Variants in IQSEC1 observed in about 807,000 individuals in gnomAD.
IQSEC1 encodes IQ motif and Sec7 domain ArfGEF 1.
IQSEC1 carries 31 observed loss-of-function variants against 91.0 expected under a neutral mutation model. The ratio of observed to expected loss-of-function variants is 0.34; its 90% CI spans 0.26 to 0.46. The LOEUF is 0.46. Ranked by LOEUF, IQSEC1 falls within the 20% of genes least tolerant of loss-of-function variation. The pLI, the probability that IQSEC1 is intolerant of heterozygous loss-of-function variation, is 1.00. For synonymous variants in IQSEC1, 699 were observed against 662.6 expected (o/e 1.05, Z -0.84); for missense variants, 1,388 against 1,575.6 (o/e 0.88, Z 2.02).
At chr3:12,930,777 A>G (rs1697601215) in intron 3 of IQSEC1, among the ~76,000 whole-genome samples, 1 of 152,194 alleles carries the variant, frequency 6.6e-6, no homozygotes, top group Non-Finnish European at 1.5e-5. Context: ...TGATTAACGC[A>G]GAGACCAACA....
At chr3:13,173,078 C>T (rs949809161) in intron 1 of IQSEC1, among the ~76,000 whole-genome samples, 2 of 152,166 alleles carry the variant, frequency 1.3e-5, no homozygotes, top group Non-Finnish European at 2.9e-5. Context: ...TTTGAGTTTT[C>T]GGGTTTTCTC....
intron 1 of IQSEC1, among the ~76,000 whole-genome samples, chr3:13,255,081 G>A (rs1576312206): frequency 6.6e-6 from 1 of 152,248 alleles, no homozygotes; most frequent in East Asian, 1.9e-4. Context: ...AGCTGCTTTT[G>A]TGTTAATTCA....
At chr3:13,209,395 G>C (rs1024371737) in intron 1 of IQSEC1, among the ~76,000 whole-genome samples, 1 of 152,170 alleles carries the variant, frequency 6.6e-6, no homozygotes, top group African/African-American at 2.4e-5. Context: ...CCTTTCCCAG[G>C]GCCCAGCTAA....
At chr3:13,126,118 T>G (rs1477566537) in intron 2 of IQSEC1, among the ~76,000 whole-genome samples, 2 of 152,236 alleles carry the variant, frequency 1.3e-5, no homozygotes, top group African/African-American at 4.8e-5. Context: ...GTGTACAATT[T>G]AATAAGCTTT....
chr3:12,964,748 C>T (rs1287247684), intron 1 of IQSEC1, among the ~76,000 whole-genome samples: 2 of 152,184 alleles, frequency 1.3e-5, no homozygotes, highest in East Asian at 3.8e-4. Flanking sequence ...TCAAGCTGCC[C>T]TGGATTCCAG....
rs950114183 is a variant in IQSEC1, at chr3:13,243,721, G to A, written c.272+38990C>T. Among the ~76,000 whole-genome samples the A allele has an allele frequency of 4.0e-5, 6 of 151,114 alleles. No homozygotes were observed. The South Asian group carries it at 1.0e-3, about 26-fold the overall frequency. On this transcript the variant is annotated intron_variant, in intron 1 of 15. Coordinates refer to the IQSEC1 transcript ENST00000648114. ...ACTGTCTGGAGGGGCATGTGGGCCC[G>A]CACATGCCTCTCTGGTCTCACATGC...
At chr3:13,053,338 C>G (rs771855434) in intron 1 of IQSEC1, among the ~76,000 whole-genome samples, 1 of 152,330 alleles carries the variant, frequency 6.6e-6, no homozygotes, top group African/African-American at 2.4e-5. Context: ...TCCCCTCGAG[C>G]CTTCCAAGCT....
intron 3 of IQSEC1, among the ~76,000 whole-genome samples, chr3:12,928,954 C>T (rs1350430173): frequency 2.0e-5 from 3 of 152,182 alleles, no homozygotes; most frequent in Non-Finnish European, 4.4e-5. Flanking sequence ...TGGGCACCTA[C>T]CCTGGCTAGG....
chr3:13,274,428 T>C (rs1695641520), intron 1 of IQSEC1, among the ~76,000 whole-genome samples: 1 of 152,244 alleles, frequency 6.6e-6, no homozygotes, highest in African/African-American at 2.4e-5. Context: ...CAAGCTGTGC[T>C]CCTGCGGTTC....
At chr3:13,093,218 A>T (rs374364006) in intron 2 of IQSEC1, among the ~76,000 whole-genome samples, 6 of 113,052 alleles carry the variant, frequency 5.3e-5, no homozygotes, top group African/African-American at 2.2e-4. Flanking sequence ...AAACAAACTC[A>T]CTTATAAAGG....
chr3:13,231,707 G>A (rs1559282164), intron 1 of IQSEC1, among the ~76,000 whole-genome samples: 1 of 152,222 alleles, frequency 6.6e-6, no homozygotes, highest in Non-Finnish European at 1.5e-5. Context: ...GAATGTGAAT[G>A]TTTCTTCTAA....
At chr3:13,189,018 TG>T (rs1693977540) in intron 1 of IQSEC1, among the ~76,000 whole-genome samples, 1 of 152,256 alleles carries the variant, frequency 6.6e-6, no homozygotes. Flanking sequence ...CTTTGAATCT[TG>T]GCCTCTGCCC....
chr3:13,052,180 G>A (rs528582933), intron 1 of IQSEC1, among the ~76,000 whole-genome samples: 4 of 152,234 alleles, frequency 2.6e-5, no homozygotes, highest in African/African-American at 7.2e-5. Context: ...CAGGCTCTCC[G>A]GGCACCCTCT....
At chr3:12,973,301 A>G (rs1170185460) in intron 1 of IQSEC1, among the ~76,000 whole-genome samples, 1 of 152,160 alleles carries the variant, frequency 6.6e-6, no homozygotes, top group Non-Finnish European at 1.5e-5. Context: ...GCCTTTGCTT[A>G]TCCTGTTTCC....
chr3:13,230,157 T>C (rs892726388), intron 1 of IQSEC1, among the ~76,000 whole-genome samples: 1 of 152,162 alleles, frequency 6.6e-6, no homozygotes, highest in African/African-American at 2.4e-5. Flanking sequence ...GAACAGAGGG[T>C]CCCAGGAATT....
chr3:13,070,542 C>T (rs1204162135), intron 1 of IQSEC1, among the ~76,000 whole-genome samples: 2 of 152,120 alleles, frequency 1.3e-5, no homozygotes, highest in Admixed American at 6.5e-5. Flanking sequence ...GTGGGCCTGC[C>T]GCGGGTTCTG....
intron 12 of IQSEC1, among the ~76,000 whole-genome samples, chr3:12,904,825 C>T (rs945052817): frequency 6.6e-6 from 1 of 152,212 alleles, no homozygotes. Context: ...CTGACAGGAC[C>T]TGGGCCAGCC....
chr3:13,078,330 TGGTGG>T (rs1705595001), upstream of IQSEC1, among the ~76,000 whole-genome samples: 1 of 152,070 alleles, frequency 6.6e-6, no homozygotes, highest in African/African-American at 2.4e-5. Flanking sequence ...CATTAAAAAG[TGGTGG>T]CCAATGGCAG....
intron 1 of IQSEC1, among the ~76,000 whole-genome samples, chr3:13,058,897 G>A (rs1486194482): frequency 4.6e-5 from 7 of 152,136 alleles, no homozygotes; most frequent in Admixed American, 2.0e-4. Context: ...CTCGGCCCAC[G>A]GGGTGCCTGG....
Sources: gnomAD v4.1 joint callset for allele counts (sites outside exome capture counted in the v4.1 genomes callset) on GRCh38, gnomAD v4.1.1 for gene constraint, MANE v1.5 for transcripts, NCBI Gene and HGNC (gene_info 2026-07-23, HGNC 2026-07-21) for gene names.